Variants in DLGAP1 observed in about 807,000 individuals in gnomAD.
The protein encoded by DLGAP1 is DLG associated protein 1, also known as disks large-associated protein 1.
A neutral mutation model predicts 90.8 loss-of-function variants in DLGAP1; 11 were observed. The observed-to-expected ratio is 0.12, with a 90% CI of 0.08 to 0.20. The LOEUF is 0.20. DLGAP1 is among the 10% of genes least tolerant of loss of function. The pLI is 1.00. For synonymous variants in DLGAP1, 558 were observed against 540.7 expected, an observed-to-expected ratio of 1.03 and a Z score of -0.44; for missense variants, 1,050 against 1,333.8, an observed-to-expected ratio of 0.79 and a Z score of 3.31.
intron 1 of DLGAP1, among the ~76,000 whole-genome samples, chr18:4,162,425 T>C (rs969127035): frequency 3.3e-5 from 5 of 152,172 alleles, no homozygotes; most frequent in African/African-American, 1.2e-4. Flanking sequence ...TACTTTCCAA[T>C]TAAAATTTTT....
rs535033970 is a variant in DLGAP1 at position 3,962,002 on chromosome 18, A to G, written c.-73+43114T>C. 5.3e-5 allele frequency among the ~76,000 whole-genome samples: 8 copies of G among 152,342 alleles called. No individual in the cohort carries two copies. The South Asian group carries it at 1.7e-3, about 32-fold the overall frequency. On this transcript the variant is annotated intron_variant, in intron 3 of 12. Transcript: ENST00000315677. Reference sequence around the variant, plus strand: ...ACAGTAAAGGATCCCTTCGCCGTGTATTAACAGGTCATGGGCAACACTTTG... The same window carrying G: ...ACAGTAAAGGATCCCTTCGCCGTGTGTTAACAGGTCATGGGCAACACTTTG...
intron 2 of DLGAP1, among the ~76,000 whole-genome samples, chr18:4,135,146 T>TGAA: frequency 6.6e-6 from 1 of 152,100 alleles, no homozygotes; most frequent in South Asian, 2.1e-4. Flanking sequence ...ATTCAAGAAA[T>TGAA]GTATTCAAGT....
intron 9 of DLGAP1, among the ~76,000 whole-genome samples, chr18:3,555,027 C>T (rs2053670718): frequency 6.6e-6 from 1 of 152,060 alleles, no homozygotes; most frequent in African/African-American, 2.4e-5. Flanking sequence ...AACAGCCTCA[C>T]CTTTATCACC....
At chr18:3,741,170 A>AT (rs1555649508) in intron 6 of DLGAP1, among the ~76,000 whole-genome samples, 3 of 48,322 alleles carry the variant, frequency 6.2e-5, no homozygotes, top group Non-Finnish European at 1.2e-4. Context: ...CATCACCACC[A>AT]CATCACCACC....
chr18:4,108,208 C>A lies in DLGAP1; in HGVS notation c.-159+42972G>T, dbSNP rs75974439. On this transcript the variant is annotated intron_variant, in intron 2 of 12. Transcript: ENST00000315677. ...ATCTACCTCTCTCCTCCCATAATAA[C>A]CCTCATACCCTGAAGAAAGGAATGT... 2.6e-3 allele frequency among the ~76,000 whole-genome samples: 401 copies of A among 152,272 alleles called. 18 individuals are homozygous for A. The East Asian group carries it at 0.064, about 24-fold the overall frequency.
intron 1 of DLGAP1, among the ~76,000 whole-genome samples, chr18:4,451,231 G>A (rs1249060452): frequency 6.6e-6 from 1 of 152,158 alleles, no homozygotes; most frequent in African/African-American, 2.4e-5. Context: ...TGTACAATCA[G>A]ACTAAAGAAC....
intron 1 of DLGAP1, among the ~76,000 whole-genome samples, chr18:4,450,103 T>C (rs1172357283): frequency 1.3e-5 from 2 of 152,230 alleles, no homozygotes; most frequent in African/African-American, 2.4e-5. Context: ...TTTTTGCTAG[T>C]ATAGTATGAT....
At chr18:3,699,646 T>A (rs895061746) in intron 7 of DLGAP1, among the ~76,000 whole-genome samples, 3 of 152,190 alleles carry the variant, frequency 2.0e-5, no homozygotes, top group African/African-American at 7.2e-5. Flanking sequence ...AGAGTGTCCC[T>A]TAGCAGAGCT....
At chr18:4,176,847 G>A (rs7245208) in intron 1 of DLGAP1, among the ~76,000 whole-genome samples, 2,590 of 152,266 alleles carry the variant, frequency 0.017, 72 homozygotes, top group African/African-American at 0.059. Flanking sequence ...AGTTTATCAT[G>A]GTAAATGATG....
chr18:4,106,560 A>G (rs7504530), intron 2 of DLGAP1, among the ~76,000 whole-genome samples: 74,310 of 152,042 alleles, frequency 0.49, 19,141 homozygotes, highest in Admixed American at 0.62. Flanking sequence ...TTGCTAAAAT[A>G]AATGCATAAA....
chr18:4,246,839 G>A (rs2145166541), intron 1 of DLGAP1, among the ~76,000 whole-genome samples: 1 of 151,226 alleles, frequency 6.6e-6, no homozygotes, highest in South Asian at 2.1e-4. Flanking sequence ...ACATTTGTTA[G>A]CTCATTTTAC....
intron 1 of DLGAP1, among the ~76,000 whole-genome samples, chr18:4,329,010 A>T (rs193011205): frequency 1.3e-5 from 2 of 152,114 alleles, no homozygotes; most frequent in African/African-American, 4.8e-5. Context: ...TGTAAGTAGT[A>T]TATTGTGAAG....
Position 4,195,708 on chromosome 18 carries a change from C to T in DLGAP1, c.-266-44421G>A, listed in dbSNP as rs188620241. Among the ~76,000 whole-genome samples, 15 of 152,266 alleles carry T rather than the reference C, an allele frequency of 9.9e-5. No homozygotes were observed. The East Asian group carries it at 2.7e-3, about 27-fold the overall frequency. On this transcript the variant is annotated intron_variant, in intron 1 of 12. Coordinates refer to ENST00000315677, the MANE Select transcript of DLGAP1 (RefSeq NM_004746.4). ...CTGGGATTACAGACATGCACCACCA[C>T]ACCTGGCTAATTTTTTGTATTTTTA...
chr18:4,154,617 T>A (rs2076726155), intron 1 of DLGAP1, among the ~76,000 whole-genome samples: 1 of 152,132 alleles, frequency 6.6e-6, no homozygotes, highest in Admixed American at 6.6e-5. Flanking sequence ...ATACATGTTT[T>A]GAAGTGTGAT....
At position 3,580,760 on chromosome 18, in the gene DLGAP1, C is replaced by A. The variant is rs1568234963; in HGVS notation, c.1965+1115G>T. The A allele has an allele frequency of 2.5e-6, 4 of 1,612,788 alleles. No homozygotes were observed. The East Asian group carries it at 8.9e-5, about 36-fold the overall frequency. On this transcript the variant is annotated intron_variant, in intron 8 of 12. Coordinates refer to ENST00000315677, the MANE Select transcript of DLGAP1 (RefSeq NM_004746.4). ...CCACGCACCATCCCCTCAGGTGTGA[C>A]CGGAGACTTTGCAGTGTGCATGGTC...
intron 4 of DLGAP1, among the ~76,000 whole-genome samples, chr18:3,817,793 T>C (rs2067180177): frequency 6.6e-6 from 1 of 152,208 alleles, no homozygotes; most frequent in Non-Finnish European, 1.5e-5. Flanking sequence ...TATTGTGAGC[T>C]GGGCAGAGGT....
intron 1 of DLGAP1, among the ~76,000 whole-genome samples, chr18:4,368,756 TATA>T (rs1351926989): frequency 8.1e-6 from 1 of 122,728 alleles, no homozygotes. Context: ...TTCAAGATAG[TATA>T]ATATTACTAA....
intron 2 of DLGAP1, among the ~76,000 whole-genome samples, chr18:4,044,852 C>T (rs1421022964): frequency 1.3e-5 from 2 of 151,932 alleles, no homozygotes; most frequent in Admixed American, 6.6e-5. Context: ...AATTGTAATC[C>T]CCAGTGTTGA....
chr18:3,705,778 C>T (rs2061413006), intron 7 of DLGAP1, among the ~76,000 whole-genome samples: 1 of 151,466 alleles, frequency 6.6e-6, no homozygotes, highest in African/African-American at 2.4e-5. Context: ...CCTGCCTTAG[C>T]CTCCCTAGTA....
Sources: gnomAD v4.1 joint callset for allele counts (sites outside exome capture counted in the v4.1 genomes callset) on GRCh38, gnomAD v4.1.1 for gene constraint, MANE v1.5 for transcripts, NCBI Gene and HGNC (gene_info 2026-07-23, HGNC 2026-07-21) for gene names.